Variants in TAFA2 observed in about 807,000 individuals in gnomAD.
TAFA2 encodes TAFA chemokine like family member 2, also known as chemokine-like protein TAFA-2.
TAFA2 carries 7 observed loss-of-function variants against 18.8 expected under a neutral mutation model. That is an observed-to-expected ratio of 0.37 (90% CI 0.21 to 0.70). The LOEUF (loss-of-function observed/expected upper bound fraction) is 0.70, where lower values mean the gene tolerates loss of function less well. Among genes scored for constraint, TAFA2 ranks in the 30% least tolerant of loss-of-function variants. The probability of loss-of-function intolerance (pLI) is 0.53; values close to 1 mark genes in which losing one functional copy is unlikely to be tolerated. For synonymous variants in TAFA2, 60 were observed against 54.2 expected, an observed-to-expected ratio of 1.11 and a Z score of -0.47; for missense variants, 122 against 158.1, an observed-to-expected ratio of 0.77 and a Z score of 1.23.
intron 2 of TAFA2, among the ~76,000 whole-genome samples, chr12:61,837,693 A>T (rs1052803488): frequency 6.6e-6 from 1 of 152,054 alleles, no homozygotes; most frequent in African/African-American, 2.4e-5. Context: ...AAGATCACAC[A>T]GAACAAGAGA....
chr12:61,920,227 G>T (rs1592486784), intron 1 of TAFA2, among the ~76,000 whole-genome samples: 1 of 152,178 alleles, frequency 6.6e-6, no homozygotes, highest in Non-Finnish European at 1.5e-5. Flanking sequence ...TATTGTAAGA[G>T]ATCAGCTTAT....
At chr12:61,876,874 C>G (rs1414813953) in intron 1 of TAFA2, among the ~76,000 whole-genome samples, 3 of 152,164 alleles carry the variant, frequency 2.0e-5, no homozygotes, top group African/African-American at 4.8e-5. Context: ...ATTATGTGCA[C>G]TAGCGTTAAA....
At chr12:61,978,084 T>C (rs1254060539) in intron 1 of TAFA2, among the ~76,000 whole-genome samples, 3 of 152,106 alleles carry the variant, frequency 2.0e-5, no homozygotes, top group Non-Finnish European at 1.5e-5. Context: ...GAATATTTAA[T>C]GAGCTACATG....
At chr12:62,226,593 T>G (rs1359255651) in intron 1 of TAFA2, among the ~76,000 whole-genome samples, 1 of 152,206 alleles carries the variant, frequency 6.6e-6, no homozygotes, top group Non-Finnish European at 1.5e-5. Flanking sequence ...ATACCTATCT[T>G]GAGGCTTTTA....
intron 2 of TAFA2, among the ~76,000 whole-genome samples, chr12:61,784,443 G>A (rs1332379305): frequency 4.0e-5 from 6 of 151,528 alleles, no homozygotes; most frequent in African/African-American, 1.2e-4. Flanking sequence ...TCAGAAGTGA[G>A]CACAGCCCTC....
intron 2 of TAFA2, among the ~76,000 whole-genome samples, chr12:61,759,504 A>G (rs958817806): frequency 5.3e-5 from 8 of 152,010 alleles, no homozygotes; most frequent in African/African-American, 1.9e-4. Flanking sequence ...TGAATCCCCA[A>G]CTGAAGAGAC....
At chr12:61,980,258 T>C (rs908401791) in intron 1 of TAFA2, among the ~76,000 whole-genome samples, 9 of 152,108 alleles carry the variant, frequency 5.9e-5, no homozygotes, top group African/African-American at 1.9e-4. Flanking sequence ...CAACAGCGCT[T>C]CATGCTAAAA....
intron 1 of TAFA2, among the ~76,000 whole-genome samples, chr12:62,073,726 T>C (rs980589648): frequency 3.9e-5 from 6 of 152,196 alleles, no homozygotes; most frequent in Non-Finnish European, 7.3e-5. Context: ...ATTACATTTT[T>C]GATTATATGG....
At chr12:62,104,725 C>T (rs1017129903) in intron 1 of TAFA2, 13 of 455,308 alleles carry the variant, frequency 2.9e-5, no homozygotes, top group Non-Finnish European at 5.3e-5. Context: ...TTGTCATGCA[C>T]GCTTCATCCT....
chr12:62,125,631 A>C lies in TAFA2; in HGVS notation c.-2+65628T>G, dbSNP rs548376477. Among the ~76,000 whole-genome samples, 35 of 152,232 alleles carry C rather than the reference A, an allele frequency of 2.3e-4. 1 individual carries two copies. The highest frequency in any genetic ancestry group is 7.9e-4 in the African/African-American group (33 of 41,538). On this transcript the variant is annotated intron_variant, in intron 1 of 4. Transcript: ENST00000416284. Reference sequence around the variant, plus strand: ...TGTCTATCCAAGTTTGGTATGAGAGACAGAGCACATGTTTAGAGAACCTAA... The same window carrying C: ...TGTCTATCCAAGTTTGGTATGAGAGCCAGAGCACATGTTTAGAGAACCTAA...
rs1418131499 is a variant in TAFA2, at chr12:61,808,705, T to TTCA, written c.107-53682_107-53681insTGA. 5.3e-5 allele frequency among the ~76,000 whole-genome samples: 8 copies of TTCA among 151,522 alleles called. 1 individual carries two copies. Among genetic ancestry groups the TTCA allele is most frequent in the African/African-American group, 2.0e-4 (8 of 40,818 alleles). ...AGGATGAAAGTAACATTGAAGGACTTGGTCTGAAAGTAGTAATGCAAGATG... is the reference window on the plus strand; with the variant it reads ...AGGATGAAAGTAACATTGAAGGACTTTCAGGTCTGAAAGTAGTAATGCAAGATG... On this transcript the variant is annotated intron_variant, in intron 2 of 4. Transcript: ENST00000416284.
At position 62,222,673 on chromosome 12, in the gene TAFA2, A is replaced by ATT. The variant is rs767010579; in HGVS notation, c.-130+36088_-130+36089dup. ...AGGTGCCCGCCACCACGCCCAGCTA[A>ATT]TTTTTTTTTTTTTTTTATTTTTAGT... On this transcript the variant is annotated intron_variant, in intron 1 of 5. Coordinates refer to the TAFA2 transcript ENST00000551619. Among the ~76,000 whole-genome samples, 24 of 140,902 alleles carry ATT rather than the reference A, an allele frequency of 1.7e-4. 1 individual carries two copies. The highest frequency in any genetic ancestry group is 4.6e-4 in the South Asian group (2 of 4,388). The allele number at this position is 140,902 out of a possible 152,430, so 92.4% of individuals were successfully genotyped here. A position where few individuals can be genotyped will look rare whatever the true frequency, so the allele number is the denominator to read the frequency against.
intron 1 of TAFA2, among the ~76,000 whole-genome samples, chr12:62,119,306 A>C (rs1276633673): frequency 1.3e-5 from 2 of 152,180 alleles, no homozygotes; most frequent in Non-Finnish European, 2.9e-5. Context: ...TTTGCATAGT[A>C]GGAGTTGAGG....
intron 1 of TAFA2, among the ~76,000 whole-genome samples, chr12:62,117,380 C>T (rs1189968777): frequency 6.6e-6 from 1 of 151,986 alleles, no homozygotes; most frequent in African/African-American, 2.4e-5. Flanking sequence ...TTCTAGAATG[C>T]TTCCAATTTT....
intron 1 of TAFA2, among the ~76,000 whole-genome samples, chr12:61,896,488 C>A (rs1205349158): frequency 6.6e-6 from 1 of 152,192 alleles, no homozygotes; most frequent in South Asian, 2.1e-4. Flanking sequence ...CACTTAGATT[C>A]ATGTTCACAT....
At chr12:61,912,189 A>T (rs187943611) in intron 1 of TAFA2, among the ~76,000 whole-genome samples, 159 of 152,318 alleles carry the variant, frequency 1.0e-3, no homozygotes, top group Middle Eastern at 0.01. Flanking sequence ...CCCAGCTAAT[A>T]AGAACCAGGG....
At chr12:61,720,697 A>G (rs1869855388) in intron 4 of TAFA2, 1 of 360,580 alleles carries the variant, frequency 2.8e-6, no homozygotes, top group Non-Finnish European at 5.5e-6. Context: ...CTGCTGCTTT[A>G]AACCAAGACG....
chr12:61,713,701 G>T (rs1869518375), intron 4 of TAFA2, among the ~76,000 whole-genome samples: 1 of 152,060 alleles, frequency 6.6e-6, no homozygotes. Flanking sequence ...ATTTGCAAAT[G>T]AAATTATTAC....
intron 2 of TAFA2, among the ~76,000 whole-genome samples, chr12:61,785,089 C>A (rs1478247372): frequency 6.6e-6 from 1 of 151,434 alleles, no homozygotes; most frequent in Non-Finnish European, 1.5e-5. Context: ...TATCCTTTAA[C>A]AAATCTCTCC....
Sources: gnomAD v4.1 joint callset for allele counts (sites outside exome capture counted in the v4.1 genomes callset) on GRCh38, gnomAD v4.1.1 for gene constraint, MANE v1.5 for transcripts, NCBI Gene and HGNC (gene_info 2026-07-23, HGNC 2026-07-21) for gene names.